ARPP21: variants seen among roughly 807,000 people sequenced by gnomAD.
ARPP21 encodes the protein cAMP-regulated phosphoprotein 21.
A neutral mutation model predicts 113.2 loss-of-function variants in ARPP21; 69 were observed. The observed-to-expected ratio is 0.61, with a 90% CI of 0.50 to 0.74. The LOEUF (loss-of-function observed/expected upper bound fraction) is 0.74, where lower values mean the gene tolerates loss of function less well. ARPP21 is among the 30% of genes least tolerant of loss of function. The pLI is 0.00. For synonymous variants in ARPP21, 368 were observed against 375.5 expected, an observed-to-expected ratio of 0.98 and a Z score of 0.23; for missense variants, 1,070 against 1,037.4, an observed-to-expected ratio of 1.03 and a Z score of -0.43.
At chr3:35,712,786 G>A (rs1372658271) in intron 11 of ARPP21, among the ~76,000 whole-genome samples, 1 of 152,016 alleles carries the variant, frequency 6.6e-6, no homozygotes, top group South Asian at 2.1e-4. Flanking sequence ...TGTATTTTTT[G>A]TAGTCAATAT....
chr3:35,712,470 A>G (rs2091397822), intron 11 of ARPP21, among the ~76,000 whole-genome samples: 1 of 151,764 alleles, frequency 6.6e-6, no homozygotes, highest in Non-Finnish European at 1.5e-5. Flanking sequence ...AAAATCAGAA[A>G]CATTCTTGAA....
chr3:35,684,542 A>G (rs964203198), intron 5 of ARPP21: 2 of 985,480 alleles, frequency 2.0e-6, no homozygotes, highest in African/African-American at 3.5e-5. Context: ...CTTTTATAAA[A>G]AATGGTCTTG....
At chr3:35,654,193 T>A (rs1490840492) in intron 1 of ARPP21, among the ~76,000 whole-genome samples, 1 of 152,082 alleles carries the variant, frequency 6.6e-6, no homozygotes, top group East Asian at 1.9e-4. Flanking sequence ...AAAATGGTTT[T>A]AAAGATGCAT....
intron 7 of ARPP21, among the ~76,000 whole-genome samples, 170 bp from the exon 8 acceptor site, chr3:35,689,911 T>G (rs1460011359): frequency 6.6e-6 from 1 of 151,670 alleles, no homozygotes; most frequent in African/African-American, 2.4e-5. Context: ...TAAATTGTAA[T>G]GAATGAAATG....
chr3:35,791,266 G>C (rs911467710), intron 19 of ARPP21, among the ~76,000 whole-genome samples: 1 of 151,998 alleles, frequency 6.6e-6, no homozygotes, highest in African/African-American at 2.4e-5. Flanking sequence ...TTAACTTTTG[G>C]TTTCAATTTT....
intron 12 of ARPP21, among the ~76,000 whole-genome samples, chr3:35,716,095 A>T (rs982567885): frequency 3.3e-5 from 5 of 152,090 alleles, no homozygotes; most frequent in Non-Finnish European, 4.4e-5. Flanking sequence ...TGGTGATAAG[A>T]GCAAAAATTT....
chr3:35,654,962 C>T (rs900472812), intron 1 of ARPP21, among the ~76,000 whole-genome samples: 3 of 151,752 alleles, frequency 2.0e-5, no homozygotes, highest in African/African-American at 7.3e-5. Context: ...AAATAATTTT[C>T]TTTGTTTTCC....
chr3:35,656,496 T>C (rs1460474296), intron 1 of ARPP21, among the ~76,000 whole-genome samples: 4 of 152,094 alleles, frequency 2.6e-5, no homozygotes, highest in Non-Finnish European at 5.9e-5. Context: ...AGGAGTGAAT[T>C]ACTAATCGAC....
chr3:35,736,146 TG>T (rs1373698192), intron 15 of ARPP21, among the ~76,000 whole-genome samples: 9 of 152,320 alleles, frequency 5.9e-5, no homozygotes, highest in African/African-American at 2.2e-4. Context: ...CTGAATAGGT[TG>T]CTTGGTCCCC....
chr3:35,680,127 C>A (rs893430160), intron 2 of ARPP21, among the ~76,000 whole-genome samples, 167 bp downstream of exon 2: 19 of 151,818 alleles, frequency 1.3e-4, no homozygotes, highest in Non-Finnish European at 1.5e-5. Context: ...TTTGTTCACT[C>A]CATTTTAAAT....
intron 9 of ARPP21, among the ~76,000 whole-genome samples, chr3:35,703,876 T>C (rs1450903099): frequency 6.6e-6 from 1 of 151,912 alleles, no homozygotes; most frequent in African/African-American, 2.4e-5. Context: ...GCTACGGTGG[T>C]AAATTAACTT....
intron 14 of ARPP21, among the ~76,000 whole-genome samples, chr3:35,727,821 A>C (rs555892901): frequency 6.6e-6 from 1 of 152,302 alleles, no homozygotes; most frequent in South Asian, 2.1e-4. Flanking sequence ...GGTTAAGGGT[A>C]CTGGGGTTGC....
chr3:35,670,509 A>G (rs528767289), intron 1 of ARPP21, among the ~76,000 whole-genome samples: 1 of 152,104 alleles, frequency 6.6e-6, no homozygotes, highest in South Asian at 2.1e-4. Context: ...CTCACATTGA[A>G]TGATGATAGG....
intron 5 of ARPP21, 118 bp from the exon 6 acceptor site, chr3:35,687,620 GA>G (rs904618039): frequency 1.7e-3 from 1,378 of 825,406 alleles, no homozygotes; most frequent in East Asian, 4.7e-3. Flanking sequence ...TTACCATTTA[GA>G]AAAAAAAAAT....
intron 9 of ARPP21, among the ~76,000 whole-genome samples, chr3:35,701,922 T>C (rs2086570742): frequency 6.6e-6 from 1 of 151,716 alleles, no homozygotes; most frequent in Non-Finnish European, 1.5e-5. Flanking sequence ...TAATACATGC[T>C]ATGAAAGAGC....
chr3:35,645,179 A>G (rs1693923503), intron 1 of ARPP21, among the ~76,000 whole-genome samples: 1 of 151,858 alleles, frequency 6.6e-6, no homozygotes. Flanking sequence ...GTGTCCACTA[A>G]TAATTATCCC....
chr3:35,678,024 T>G (rs764994119), intron 1 of ARPP21, among the ~76,000 whole-genome samples: 37 of 151,994 alleles, frequency 2.4e-4, no homozygotes, highest in Non-Finnish European at 4.1e-4. Context: ...CCTCGCTGAC[T>G]TTAGAGCTCG....
At chr3:35,765,696 AAGAT>A (rs1177291461) in intron 19 of ARPP21, among the ~76,000 whole-genome samples, 1 of 152,162 alleles carries the variant, frequency 6.6e-6, no homozygotes, top group Non-Finnish European at 1.5e-5. Context: ...TAAAATGAGA[AAGAT>A]AGAAAAGACA....
chr3:35,711,537 T>C (rs1576167333), intron 11 of ARPP21, among the ~76,000 whole-genome samples: 1 of 152,194 alleles, frequency 6.6e-6, no homozygotes, highest in Admixed American at 6.5e-5. Context: ...ATTTGGCAGC[T>C]GAAAACAAAC....
Sources: gnomAD v4.1 joint callset for allele counts (sites outside exome capture counted in the v4.1 genomes callset) on GRCh38, gnomAD v4.1.1 for gene constraint, MANE v1.5 for transcripts, NCBI Gene and HGNC (gene_info 2026-07-23, HGNC 2026-07-21) for gene names.